Variants in BEND5 observed in about 807,000 individuals in gnomAD.
BEND5 encodes the protein BEN domain-containing protein 5.
In BEND5, 22 loss-of-function variants were observed where a neutral mutation model predicts 43.9. The ratio of observed to expected loss-of-function variants is 0.50; its 90% CI spans 0.36 to 0.72. The LOEUF is 0.72. Ranked by LOEUF, BEND5 falls within the 30% of genes least tolerant of loss-of-function variation. The probability of loss-of-function intolerance (pLI) is 0.00; values close to 1 mark genes in which losing one functional copy is unlikely to be tolerated. For missense variants in BEND5, 428 were observed against 550.6 expected, an observed-to-expected ratio of 0.78 and a Z score of 2.23; for synonymous variants, 228 against 225.9, an observed-to-expected ratio of 1.01 and a Z score of -0.08.
chr1:48,736,459 G>A lies in BEND5; in HGVS notation c.895-7C>T. The A allele has an allele frequency of 6.2e-7, 1 of 1,613,594 alleles. No homozygotes were observed. The highest frequency in any genetic ancestry group is 1.1e-5 in the South Asian group (1 of 91,044). On this transcript the variant is annotated splice_polypyrimidine_tract_variant and splice_region_variant and intron_variant, in intron 4 of 5. Coordinates refer to ENST00000371833, the MANE Select transcript of BEND5 (RefSeq NM_024603.4). The surrounding 1 kb of genome is among the most constrained non-coding windows in gnomAD (Gnocchi z 4.0). Reference sequence around the variant, plus strand: ...TCCCGCTTCCCAGATGGACCTGAGAGGAATAAGAACACCAGCACCTGTTTA... The same window carrying A: ...TCCCGCTTCCCAGATGGACCTGAGAAGAATAAGAACACCAGCACCTGTTTA...
At chr1:48,748,433 G>A (rs1651111513) in intron 3 of BEND5, among the ~76,000 whole-genome samples, 1 of 152,224 alleles carries the variant, frequency 6.6e-6, no homozygotes, top group Non-Finnish European at 1.5e-5. Context: ...TCCAGCAGTG[G>A]AAAGAGACAG....
At chr1:48,776,537 G>C in intron 1 of BEND5, 69 bp downstream of exon 1, 23 of 1,163,826 alleles carry the variant, frequency 2.0e-5, no homozygotes, top group Non-Finnish European at 2.4e-5. Context: ...CTCCGCCCGG[G>C]CCCCCGGCCC....
At chr1:48,747,973 T>C (rs1277880571) in intron 3 of BEND5, among the ~76,000 whole-genome samples, 1 of 152,222 alleles carries the variant, frequency 6.6e-6, no homozygotes, top group Non-Finnish European at 1.5e-5. Context: ...CTTCTGTAAG[T>C]AGATAGGAAG....
intron 1 of BEND5, among the ~76,000 whole-genome samples, chr1:48,767,289 A>G (rs1644577336): frequency 6.6e-6 from 1 of 152,232 alleles, no homozygotes; most frequent in Non-Finnish European, 1.5e-5. Context: ...GAGATAGTGC[A>G]TGTAAAAGCA....
chr1:48,755,212 C>T lies in BEND5; in HGVS notation c.745+3688G>A, dbSNP rs141583695. On this transcript the variant is annotated intron_variant, in intron 3 of 5. Transcript: ENST00000371833. ...CGCCATTACAACTCCTGGCTGCTGACGGACCTGCTTCCCACTCTGAGTCCC... is the reference window on the plus strand; with the variant it reads ...CGCCATTACAACTCCTGGCTGCTGATGGACCTGCTTCCCACTCTGAGTCCC... Among the ~76,000 whole-genome samples the T allele has an allele frequency of 2.6e-3, 390 of 152,294 alleles. 3 individuals carry two copies. Among genetic ancestry groups the T allele is most frequent in the African/African-American group, 9.0e-3 (375 of 41,558 alleles).
At chr1:48,751,023 C>T (rs1459191253) in intron 3 of BEND5, among the ~76,000 whole-genome samples, 1 of 152,196 alleles carries the variant, frequency 6.6e-6, no homozygotes, top group Non-Finnish European at 1.5e-5. Context: ...TCCACTGCTT[C>T]ATGATATAGC....
At chr1:48,774,843 T>C (rs1644999310) in intron 1 of BEND5, among the ~76,000 whole-genome samples, 1 of 152,186 alleles carries the variant, frequency 6.6e-6, no homozygotes, top group African/African-American at 2.4e-5. Context: ...TGAAACAATC[T>C]CCAAGAGAGG....
intron 1 of BEND5, among the ~76,000 whole-genome samples, chr1:48,766,184 C>A (rs1644519680): frequency 6.6e-6 from 1 of 152,166 alleles, no homozygotes; most frequent in South Asian, 2.1e-4. Flanking sequence ...TACCTCACAA[C>A]AACCTTGCAA....
chr1:48,736,219 G>T lies in BEND5; in HGVS notation c.1108+20C>A, dbSNP rs1309346787. 2 of 1,602,500 alleles carry T rather than the reference G, an allele frequency of 1.2e-6. No individual in the cohort carries two copies. Among genetic ancestry groups the T allele is most frequent in the Admixed American group, 3.3e-5 (2 of 59,946 alleles). On this transcript the variant is annotated intron_variant, in intron 5 of 5. Coordinates refer to ENST00000371833, the MANE Select transcript of BEND5 (RefSeq NM_024603.4). This position sits in a 1 kb window ranked among gnomAD's most constrained non-coding sequence, Gnocchi z 4.0. ...TAAAAGACAGAATCCCAGCCATTGTGTTTCCACTCAGTGACCTACCTCTGA... is the reference window on the plus strand; with the variant it reads ...TAAAAGACAGAATCCCAGCCATTGTTTTTCCACTCAGTGACCTACCTCTGA...
intron 3 of BEND5, among the ~76,000 whole-genome samples, chr1:48,756,400 T>G (rs898783196): frequency 4.6e-5 from 7 of 152,192 alleles, no homozygotes; most frequent in African/African-American, 1.7e-4. Context: ...TGTTTCAGGA[T>G]CTGTTCCCCT....
intron 4 of BEND5, among the ~76,000 whole-genome samples, chr1:48,739,238 C>T (rs1461524718): frequency 6.6e-6 from 1 of 152,234 alleles, no homozygotes; most frequent in Admixed American, 6.5e-5. Context: ...TCCCTTCAAC[C>T]CGCCCATCCT....
chr1:48,758,109 G>C (rs1004747488), intron 3 of BEND5, among the ~76,000 whole-genome samples: 2 of 152,074 alleles, frequency 1.3e-5, no homozygotes, highest in African/African-American at 4.8e-5. Flanking sequence ...GTTAAAATAG[G>C]GTGCAATATA....
At chr1:48,756,885 G>A (rs898108331) in intron 3 of BEND5, among the ~76,000 whole-genome samples, 3 of 152,200 alleles carry the variant, frequency 2.0e-5, no homozygotes, top group Admixed American at 2.0e-4. Context: ...AATGATGATG[G>A]TGACTCAGAT....
In BEND5 at chr1:48,727,784, A is replaced by AC; in HGVS notation, c.*101dup. ...CCCAGAACCCGATGGATCCCTGCAC[A>AC]CACACCACCATGCACGGTGGGGTCT... On this transcript the variant is annotated 3_prime_UTR_variant, in exon 6 of 6. Transcript: ENST00000371833. 1 of 1,169,908 alleles carries AC rather than the reference A, an allele frequency of 8.5e-7. No homozygotes were observed. Among genetic ancestry groups the AC allele is most frequent in the Non-Finnish European group, 1.2e-6 (1 of 813,900 alleles). 72.5% of individuals were successfully genotyped at this position (1,169,908 alleles called of 1,614,324 possible).
intron 1 of BEND5, among the ~76,000 whole-genome samples, chr1:48,767,968 A>G (rs922917834): frequency 2.0e-5 from 3 of 152,196 alleles, no homozygotes; most frequent in African/African-American, 7.2e-5. Flanking sequence ...CAAACTCACT[A>G]TATTTAATCC....
At chr1:48,770,648 C>T (rs1644770533) in intron 1 of BEND5, among the ~76,000 whole-genome samples, 1 of 152,182 alleles carries the variant, frequency 6.6e-6, no homozygotes, top group Admixed American at 6.5e-5. Flanking sequence ...CTGACATATC[C>T]ACCCAGATGT....
chr1:48,740,651 T>A (rs2054727), intron 4 of BEND5, among the ~76,000 whole-genome samples: 98,926 of 152,100 alleles, frequency 0.65, 33,631 homozygotes, highest in Non-Finnish European at 0.77. Context: ...AATATATTTA[T>A]GTGAAAAGTT....
In BEND5 at chr1:48,759,474, T is replaced by C. The variant is rs1644138696; in HGVS notation, c.361-190A>G. 34 of 1,168,486 alleles carry C rather than the reference T, an allele frequency of 2.9e-5. 1 individual carries two copies. The South Asian group carries it at 5.2e-4, about 18-fold the overall frequency. The allele number at this position is 1,168,486 out of a possible 1,614,324, so 72.4% of individuals were successfully genotyped here. On this transcript the variant is annotated intron_variant, in intron 2 of 5. Coordinates refer to ENST00000371833, the MANE Select transcript of BEND5 (RefSeq NM_024603.4). ...GGAAACATTTTATAAATTTTATAAATGGGGTTCCGAGTGGGGAAGGGGCTT... is the reference window on the plus strand; with the variant it reads ...GGAAACATTTTATAAATTTTATAAACGGGGTTCCGAGTGGGGAAGGGGCTT...
chr1:48,738,394 G>A (rs1005603000), intron 4 of BEND5, among the ~76,000 whole-genome samples: 8 of 152,182 alleles, frequency 5.3e-5, no homozygotes, highest in African/African-American at 1.2e-4. Flanking sequence ...AGCAGCCTTG[G>A]AGTGAGATGT....
Sources: allele counts gnomAD v4.1 joint callset (sites outside exome capture counted in the v4.1 genomes callset), GRCh38; gene constraint gnomAD v4.1.1; non-coding constraint Gnocchi (gnomAD v3.1); transcripts MANE v1.5; gene names NCBI Gene and HGNC (gene_info 2026-07-23, HGNC 2026-07-21).